The following CSMD1 variants were observed in gnomAD, a reference collection of about 807,000 sequenced individuals.
CSMD1 encodes CUB and Sushi multiple domains 1.
CSMD1 carries 213 observed loss-of-function variants against 417.5 expected under a neutral mutation model. The observed-to-expected ratio is 0.51, with a 90% CI of 0.46 to 0.57. The LOEUF is 0.57. Ranked by LOEUF, CSMD1 falls within the 20% of genes least tolerant of loss-of-function variation. The pLI, the probability that CSMD1 is intolerant of heterozygous loss-of-function variation, is 0.00. For missense variants in CSMD1, 6,923 were observed against 4,529.7 expected (o/e 1.53, Z -15.17); for synonymous variants, 2,862 against 1,736.8 (o/e 1.65, Z -16.11).
At chr8:4,097,169 A>G (rs555263141) in intron 3 of CSMD1, among the ~76,000 whole-genome samples, 2 of 152,136 alleles carry the variant, frequency 1.3e-5, no homozygotes, top group Non-Finnish European at 2.9e-5. Context: ...GCTTACCATT[A>G]TATATGCTCA....
intron 6 of CSMD1, among the ~76,000 whole-genome samples, chr8:3,743,278 A>T (rs752843099): frequency 3.3e-5 from 5 of 152,210 alleles, no homozygotes; most frequent in Non-Finnish European, 7.3e-5. Flanking sequence ...AAGGAACATG[A>T]AGCGAATTCT....
chr8:3,632,952 A>T (rs939716575), intron 7 of CSMD1, among the ~76,000 whole-genome samples: 3 of 152,240 alleles, frequency 2.0e-5, no homozygotes, highest in Non-Finnish European at 4.4e-5. Context: ...AGAAGTATAA[A>T]TTACACTTTA....
At chr8:3,938,908 A>C (rs926512213) in intron 5 of CSMD1, among the ~76,000 whole-genome samples, 1 of 152,110 alleles carries the variant, frequency 6.6e-6, no homozygotes, top group Non-Finnish European at 1.5e-5. Context: ...TATGCTCAAT[A>C]CTCTATCATT....
chr8:4,938,357 G>T (rs537081676), intron 1 of CSMD1, among the ~76,000 whole-genome samples: 63 of 152,288 alleles, frequency 4.1e-4, no homozygotes, highest in African/African-American at 1.5e-3. Flanking sequence ...ATTCCAAAAT[G>T]CTTCCCAATA....
At chr8:4,435,894 T>A (rs1329201840) in intron 2 of CSMD1, among the ~76,000 whole-genome samples, 1 of 152,196 alleles carries the variant, frequency 6.6e-6, no homozygotes, top group African/African-American at 2.4e-5. Context: ...GGAGTGTGTG[T>A]CAAATGTAGA....
chr8:3,245,128 T>G (rs1398654804), intron 26 of CSMD1, among the ~76,000 whole-genome samples: 2 of 152,234 alleles, frequency 1.3e-5, no homozygotes, highest in Non-Finnish European at 2.9e-5. Context: ...TCTGCATTAA[T>G]GCATTAATTG....
At chr8:3,084,498 T>C (rs546041142) in intron 49 of CSMD1, among the ~76,000 whole-genome samples, 9 of 113,032 alleles carry the variant, frequency 8.0e-5, no homozygotes, top group African/African-American at 3.1e-4. Context: ...TACTCTACCC[T>C]GGGCAACAAA....
chr8:3,916,049 T>C (rs1322244261), intron 5 of CSMD1, among the ~76,000 whole-genome samples: 3 of 151,748 alleles, frequency 2.0e-5, no homozygotes, highest in Non-Finnish European at 4.4e-5. Flanking sequence ...ATGGGTAACA[T>C]AATACTTTGC....
At chr8:3,956,587 T>C (rs777454237) in intron 5 of CSMD1, among the ~76,000 whole-genome samples, 8 of 152,234 alleles carry the variant, frequency 5.3e-5, no homozygotes, top group Non-Finnish European at 1.0e-4. Flanking sequence ...GTGCCCCATG[T>C]TTTGCATACA....
At chr8:4,086,568 T>A (rs983081036) in intron 3 of CSMD1, among the ~76,000 whole-genome samples, 1 of 152,208 alleles carries the variant, frequency 6.6e-6, no homozygotes, top group Non-Finnish European at 1.5e-5. Flanking sequence ...CAGAGTTACA[T>A]CCAATCTCCT....
At chr8:3,356,414 C>T (rs1436534150) in intron 21 of CSMD1, among the ~76,000 whole-genome samples, 1 of 152,184 alleles carries the variant, frequency 6.6e-6, no homozygotes, top group Non-Finnish European at 1.5e-5. Context: ...CTGTGGCTCA[C>T]GCCTGTAATC....
chr8:4,379,715 C>T (rs1802981259), intron 3 of CSMD1, among the ~76,000 whole-genome samples: 1 of 105,738 alleles, frequency 9.5e-6, no homozygotes, highest in South Asian at 3.1e-4. Context: ...GGGAAGAGGG[C>T]AATGAAGCAA....
chr8:3,940,709 A>C (rs1156841674), intron 5 of CSMD1, among the ~76,000 whole-genome samples: 2 of 151,912 alleles, frequency 1.3e-5, no homozygotes, highest in African/African-American at 4.8e-5. Context: ...TTATAATACA[A>C]ATTTCATACT....
intron 3 of CSMD1, among the ~76,000 whole-genome samples, chr8:4,136,511 G>C (rs1318057328): frequency 6.6e-6 from 1 of 152,158 alleles, no homozygotes; most frequent in African/African-American, 2.4e-5. Flanking sequence ...GTCCACTACA[G>C]CAATAGCAAA....
intron 2 of CSMD1, among the ~76,000 whole-genome samples, chr8:4,479,240 T>G (rs540219746): frequency 1.3e-5 from 2 of 152,220 alleles, no homozygotes; most frequent in Admixed American, 1.3e-4. Context: ...ATATTAATAT[T>G]GCCAGCATAT....
chr8:4,334,829 A>G (rs2128892567), intron 3 of CSMD1, among the ~76,000 whole-genome samples: 1 of 152,216 alleles, frequency 6.6e-6, no homozygotes, highest in South Asian at 2.1e-4. Flanking sequence ...GAGGTTTTTA[A>G]AGAAAAGACA....
intron 1 of CSMD1, among the ~76,000 whole-genome samples, chr8:4,880,477 G>C (rs942310252): frequency 6.6e-6 from 1 of 152,070 alleles, no homozygotes; most frequent in African/African-American, 2.4e-5. Context: ...TTCCTGTGCT[G>C]TTGTGTAGCC....
At chr8:3,188,383 T>A (rs1471421438) in intron 35 of CSMD1, among the ~76,000 whole-genome samples, 1 of 135,508 alleles carries the variant, frequency 7.4e-6, no homozygotes, top group Non-Finnish European at 1.5e-5. Flanking sequence ...CTTGGCTCAC[T>A]GCAACCTCCG....
intron 2 of CSMD1, among the ~76,000 whole-genome samples, chr8:4,611,755 A>G (rs755660063): frequency 2.0e-5 from 3 of 152,168 alleles, no homozygotes; most frequent in Non-Finnish European, 2.9e-5. Flanking sequence ...TGAGTCATCT[A>G]TTCAAAATGT....
Sources: allele counts gnomAD v4.1 joint callset (sites outside exome capture counted in the v4.1 genomes callset), GRCh38; gene constraint gnomAD v4.1.1; transcripts MANE v1.5; gene names NCBI Gene and HGNC (gene_info 2026-07-23, HGNC 2026-07-21).